Variants in GPC5 observed in about 807,000 individuals in gnomAD.
The protein encoded by GPC5 is glypican-5.
GPC5 carries 47 observed loss-of-function variants against 53.9 expected under a neutral mutation model. The observed-to-expected ratio is 0.87, with a 90% CI of 0.69 to 1.11. The LOEUF (loss-of-function observed/expected upper bound fraction) is 1.11, where lower values mean the gene tolerates loss of function less well. Ranked by LOEUF, GPC5 falls within the 50% of genes most tolerant of loss-of-function variation. The pLI, the probability that GPC5 is intolerant of heterozygous loss-of-function variation, is 0.00. For missense variants in GPC5, 748 were observed against 713.1 expected (o/e 1.05, Z -0.56); for synonymous variants, 286 against 263.3 (o/e 1.09, Z -0.84).
intron 5 of GPC5, among the ~76,000 whole-genome samples, chr13:91,867,902 A>G (rs1318887420): frequency 2.6e-5 from 4 of 152,202 alleles, no homozygotes; most frequent in African/African-American, 7.2e-5. Context: ...TGTTGCTATA[A>G]TATCTGTGGA....
intron 7 of GPC5, among the ~76,000 whole-genome samples, chr13:92,673,208 T>C (rs546870036): frequency 6.6e-6 from 1 of 152,266 alleles, no homozygotes; most frequent in East Asian, 1.9e-4. Flanking sequence ...AACAATGTTA[T>C]ATTTAACAAG....
At chr13:91,806,666 A>G (rs944594762) in intron 5 of GPC5, among the ~76,000 whole-genome samples, 9 of 152,210 alleles carry the variant, frequency 5.9e-5, no homozygotes, top group Admixed American at 1.3e-4. Flanking sequence ...TCCCAGATTA[A>G]GTAATAAAGT....
intron 3 of GPC5, among the ~76,000 whole-genome samples, chr13:91,707,400 A>G (rs1253459472): frequency 6.6e-6 from 1 of 152,086 alleles, no homozygotes. Flanking sequence ...AGATGGGAGG[A>G]TTGCTTAAGC....
intron 2 of GPC5, among the ~76,000 whole-genome samples, chr13:91,495,883 C>T (rs1884226545): frequency 6.6e-6 from 1 of 151,870 alleles, no homozygotes; most frequent in African/African-American, 2.4e-5. Context: ...ATTAGCTGGG[C>T]GTGGTGGCGG....
At chr13:91,879,407 A>C (rs180829209) in intron 5 of GPC5, among the ~76,000 whole-genome samples, 1 of 152,212 alleles carries the variant, frequency 6.6e-6, no homozygotes, top group African/African-American at 2.4e-5. Context: ...CTGCTGTACC[A>C]GAATACCATA....
chr13:92,633,451 A>T (rs1885320007), intron 7 of GPC5, among the ~76,000 whole-genome samples: 1 of 152,230 alleles, frequency 6.6e-6, no homozygotes, highest in African/African-American at 2.4e-5. Flanking sequence ...AGGGTTTTAA[A>T]AAATATTTAG....
At chr13:92,468,208 C>T (rs563573378) in intron 7 of GPC5, among the ~76,000 whole-genome samples, 1 of 152,154 alleles carries the variant, frequency 6.6e-6, no homozygotes, top group South Asian at 2.1e-4. Context: ...AGACAAGATT[C>T]CAGGTGTTGG....
At chr13:92,392,417 A>C (rs1339827469) in intron 7 of GPC5, among the ~76,000 whole-genome samples, 1 of 152,186 alleles carries the variant, frequency 6.6e-6, no homozygotes, top group Non-Finnish European at 1.5e-5. Flanking sequence ...TGGATTAAAG[A>C]CTTAAATGTA....
At chr13:91,760,649 A>T (rs920302359) in intron 5 of GPC5, among the ~76,000 whole-genome samples, 1 of 152,136 alleles carries the variant, frequency 6.6e-6, no homozygotes, top group Admixed American at 6.5e-5. Context: ...TCCTGCAGGC[A>T]TTTTTAAAGA....
At chr13:91,891,075 G>A (rs2039380412) in intron 5 of GPC5, among the ~76,000 whole-genome samples, 1 of 152,100 alleles carries the variant, frequency 6.6e-6, no homozygotes, top group Non-Finnish European at 1.5e-5. Context: ...CCCATTTTTG[G>A]TAATTCTGTG....
At chr13:92,437,220 A>G (rs531922082) in intron 7 of GPC5, among the ~76,000 whole-genome samples, 1 of 152,172 alleles carries the variant, frequency 6.6e-6, no homozygotes, top group African/African-American at 2.4e-5. Flanking sequence ...AAAAACATCA[A>G]TAGAATCGGC....
chr13:92,400,073 G>C lies in GPC5; in HGVS notation c.1561+255084G>C, dbSNP rs184812325. The stretch of plus-strand genomic sequence containing the variant: ...ATGCCATGGCTTGCTATTTTTCTTC[G>C]TGAATTGCCTCTTGCTACAGAGTCC... On this transcript the variant is annotated intron_variant, in intron 7 of 7. Transcript: ENST00000377067. 3.9e-5 allele frequency among the ~76,000 whole-genome samples: 6 copies of C among 152,234 alleles called. No homozygotes were observed. In the East Asian group the frequency reaches 1.2e-3, roughly 29 times the overall value.
intron 6 of GPC5, among the ~76,000 whole-genome samples, chr13:92,137,602 A>G (rs2041795123): frequency 6.6e-6 from 1 of 152,060 alleles, no homozygotes. Flanking sequence ...CCAAATAAAT[A>G]TTACCTTTTT....
chr13:91,674,060 C>T (rs2035311599), intron 2 of GPC5, among the ~76,000 whole-genome samples: 1 of 152,156 alleles, frequency 6.6e-6, no homozygotes, highest in Non-Finnish European at 1.5e-5. Flanking sequence ...TTAGAGGTTG[C>T]ACCTTTATCT....
At chr13:92,701,078 G>T (rs758931766) in intron 7 of GPC5, among the ~76,000 whole-genome samples, 2 of 151,980 alleles carry the variant, frequency 1.3e-5, no homozygotes, top group African/African-American at 2.4e-5. Context: ...AATTTGACTT[G>T]TTTTATGCAA....
At chr13:92,295,046 T>A (rs1297385508) in intron 7 of GPC5, among the ~76,000 whole-genome samples, 1 of 152,010 alleles carries the variant, frequency 6.6e-6, no homozygotes, top group Non-Finnish European at 1.5e-5. Context: ...GCCAGGCTGG[T>A]CTCAAACTCC....
At chr13:91,989,540 C>T (rs1002485222) in intron 6 of GPC5, among the ~76,000 whole-genome samples, 1 of 152,118 alleles carries the variant, frequency 6.6e-6, no homozygotes, top group African/African-American at 2.4e-5. Flanking sequence ...ATGGTTATTG[C>T]TTTGGTGTAA....
chr13:91,473,626 T>A (rs2139188236), intron 2 of GPC5, among the ~76,000 whole-genome samples: 1 of 152,276 alleles, frequency 6.6e-6, no homozygotes, highest in Middle Eastern at 3.4e-3. Flanking sequence ...AGGTGATATT[T>A]AGAGTTTAGC....
intron 6 of GPC5, among the ~76,000 whole-genome samples, chr13:92,016,051 T>G (rs922162868): frequency 6.8e-6 from 1 of 147,188 alleles, no homozygotes; most frequent in African/African-American, 2.4e-5. Flanking sequence ...TACACATCAC[T>G]TCCATTTACC....
Sources: gnomAD v4.1 joint callset for allele counts (sites outside exome capture counted in the v4.1 genomes callset) on GRCh38, gnomAD v4.1.1 for gene constraint, MANE v1.5 for transcripts, NCBI Gene and HGNC (gene_info 2026-07-23, HGNC 2026-07-21) for gene names.